The following AAK1 variants were observed in gnomAD, a reference collection of about 807,000 sequenced individuals.
The protein encoded by AAK1 is AP2 associated kinase 1, also known as AP2-associated protein kinase 1.
Under a neutral mutation model 116.0 loss-of-function variants are expected in AAK1, and 37 were observed. The observed-to-expected ratio is 0.32, with a 90% confidence interval of 0.25 to 0.42. The LOEUF is 0.42. AAK1 is among the 10% of genes least tolerant of loss of function. The pLI, the probability that AAK1 is intolerant of heterozygous loss-of-function variation, is 1.00. For synonymous variants in AAK1, 458 were observed against 439.9 expected, an observed-to-expected ratio of 1.04 and a Z score of -0.51; for missense variants, 919 against 1,170.6, an observed-to-expected ratio of 0.79 and a Z score of 3.14.
intron 6 of AAK1, chr2:69,531,706 T>C (rs1018390003): frequency 4.8e-6 from 5 of 1,040,630 alleles, no homozygotes; most frequent in Admixed American, 1.0e-4. Flanking sequence ...GTTGTGATCA[T>C]ACTTAAAAAC....
At position 69,467,927 on chromosome 2, in the gene AAK1, T is replaced by G; in HGVS notation, c.*7942A>C. The G allele has an allele frequency of 1.0e-6, 1 of 985,414 alleles. No homozygotes were observed. Among genetic ancestry groups the G allele is most frequent in the Non-Finnish European group, 1.2e-6 (1 of 829,896 alleles). The allele number at this position is 985,414 out of a possible 1,614,324, so 61.0% of individuals were successfully genotyped here. ...TCTGAATCCTATAACTTTTTAGCAGTGCTTCTTTTTAAACAGTTCTGACCT... is the reference window on the plus strand; with the variant it reads ...TCTGAATCCTATAACTTTTTAGCAGGGCTTCTTTTTAAACAGTTCTGACCT... On this transcript the variant is annotated 3_prime_UTR_variant, in exon 22 of 22. Transcript: ENST00000409085.
At chr2:69,495,924 CT>C in intron 17 of AAK1, 60 bp downstream of exon 17, 1 of 1,388,504 alleles carries the variant, frequency 7.2e-7, no homozygotes, top group East Asian at 2.5e-5. Flanking sequence ...GCAGAACTTT[CT>C]ACAAGGCCTG....
Position 69,509,224 on chromosome 2 carries a change from C to A in AAK1, c.2006+7G>T. 6.2e-7 allele frequency: 1 copy of A among 1,613,426 alleles called. No homozygotes were observed. The highest frequency in any genetic ancestry group is 1.6e-4 in the Middle Eastern group (1 of 6,062). ...GGTAAGAACAACAAAGAGGAAGCAC[C>A]ACATACTTGGACTTATTGAGACTGG... is the stretch of plus-strand genomic sequence containing the variant. On this transcript the variant is annotated splice_region_variant and intron_variant, in intron 14 of 21. Coordinates refer to ENST00000409085, the MANE Select transcript of AAK1 (RefSeq NM_014911.5).
chr2:69,468,422 A>G lies in AAK1; in HGVS notation c.*7447T>C. The G allele has an allele frequency of 5.1e-6, 5 of 985,442 alleles. No individual in the cohort carries two copies. The highest frequency in any genetic ancestry group is 6.0e-6 in the Non-Finnish European group (5 of 829,926). 61.0% of individuals were successfully genotyped at this position (985,442 alleles called of 1,614,324 possible). A position where few individuals can be genotyped will look rare whatever the true frequency, so the allele number is the denominator to read the frequency against. On this transcript the variant is annotated 3_prime_UTR_variant, in exon 22 of 22. Transcript: ENST00000409085. ...AAACTCCTTGAACCACCTTCCTCACATAGTATCAGTTGGACAAAGTTTTCA... is the reference window on the plus strand; with the variant it reads ...AAACTCCTTGAACCACCTTCCTCACGTAGTATCAGTTGGACAAAGTTTTCA...
chr2:69,465,306 G>A lies in AAK1; in HGVS notation c.*10563C>T, dbSNP rs1008453658. On this transcript the variant is annotated 3_prime_UTR_variant, in exon 22 of 22. Coordinates refer to ENST00000409085, the MANE Select transcript of AAK1 (RefSeq NM_014911.5). ...TTGACTCAAGAAATTCTGCTCTGAC[G>A]CAGGGAATTGAAATATAAGAACTGA... 18 of 947,588 alleles carry A rather than the reference G, an allele frequency of 1.9e-5. No homozygotes were observed. Among genetic ancestry groups the A allele is most frequent in the South Asian group, 3.5e-5 (2 of 57,286 alleles). 58.7% of individuals were successfully genotyped at this position (947,588 alleles called of 1,614,324 possible). A position where few individuals can be genotyped will look rare whatever the true frequency, so the allele number is the denominator to read the frequency against.
At chr2:69,557,034 A>AT (rs1368504786) in intron 2 of AAK1, 56 bp from the exon 3 acceptor site, 1 of 1,380,194 alleles carries the variant, frequency 7.2e-7, no homozygotes, top group Non-Finnish European at 1.0e-6. Flanking sequence ...AGTCAGCCAC[A>AT]TAACTGTGGT....
chr2:69,522,742 T>G (rs1387990389), intron 10 of AAK1, among the ~76,000 whole-genome samples: 1 of 150,754 alleles, frequency 6.6e-6, no homozygotes, highest in African/African-American at 2.5e-5. Flanking sequence ...AGGCAGAGGT[T>G]GCAGTGAGCC....
intron 2 of AAK1, among the ~76,000 whole-genome samples, chr2:69,610,509 A>G (rs1674029791): frequency 6.6e-6 from 1 of 152,280 alleles, no homozygotes; most frequent in South Asian, 2.1e-4. Flanking sequence ...ATGGAACCAT[A>G]GCAAAAATTA....
At chr2:69,515,718 A>G (rs898712475) in intron 12 of AAK1, among the ~76,000 whole-genome samples, 27 of 152,196 alleles carry the variant, frequency 1.8e-4, no homozygotes, top group African/African-American at 6.5e-4. Context: ...CTGCTGATGA[A>G]CTAAGGTCAA....
rs758838651 is a variant in AAK1 at position 69,509,351 on chromosome 2, C to T, written c.1886G>A (p.Arg629His). 31 of 1,613,826 alleles carry T rather than the reference C, an allele frequency of 1.9e-5. No individual in the cohort carries two copies. Among genetic ancestry groups the T allele is most frequent in the Admixed American group, 3.3e-5 (2 of 60,002 alleles). Residue 629 changes from arginine (R) to histidine (H), a missense_variant, in exon 14 of 22, where the codon CGT becomes CAT. By Grantham distance (29) the Arg-to-His change is conservative. Coordinates refer to ENST00000409085, the MANE Select transcript of AAK1 (RefSeq NM_014911.5). ...LTPPSSPKTQ[R>H]AGHRRILSDV... Reference sequence around the variant, plus strand: ...ACTGAGAATACGCCTGTGCCCAGCACGTTGGGTTTTGGGGGATGAGGGTGG... The same window carrying T: ...ACTGAGAATACGCCTGTGCCCAGCATGTTGGGTTTTGGGGGATGAGGGTGG...
intron 2 of AAK1, among the ~76,000 whole-genome samples, chr2:69,579,508 G>A (rs1006666318): frequency 2.7e-4 from 41 of 152,332 alleles, no homozygotes; most frequent in African/African-American, 9.4e-4. Context: ...GGGCCCGGGA[G>A]GTGGAGGTTG....
At chr2:69,559,121 C>G (rs1671518858) in intron 2 of AAK1, among the ~76,000 whole-genome samples, 1 of 152,032 alleles carries the variant, frequency 6.6e-6, no homozygotes, top group African/African-American at 2.4e-5. Context: ...TACAATGTTC[C>G]TCAGTATTCA....
chr2:69,509,366 G>A lies in AAK1; in HGVS notation c.1871C>T (p.Ser624Phe). Residue 624 changes from serine to phenylalanine, a missense_variant, in exon 14 of 22, where the codon TCC (serine) becomes TTC (phenylalanine). Around this residue, in one of 4 missense-constraint regions of AAK1, gnomAD observed 125 missense variants for 184.1 expected, o/e 0.68. Coordinates refer to ENST00000409085, the MANE Select transcript of AAK1 (RefSeq NM_014911.5). ...GTGCCCAGCACGTTGGGTTTTGGGGGATGAGGGTGGAGTGAGAGATCCAAC... is the reference window on the plus strand; with the variant it reads ...GTGCCCAGCACGTTGGGTTTTGGGGAATGAGGGTGGAGTGAGAGATCCAAC... ...QKVGSLTPPS[S>F]PKTQRAGHRR... 2 of 1,614,036 alleles carry A rather than the reference G, an allele frequency of 1.2e-6. No individual in the cohort carries two copies. The highest frequency in any genetic ancestry group is 2.2e-5 in the East Asian group (1 of 44,880).
At chr2:69,524,834 A>G (rs1463746219) in intron 10 of AAK1, among the ~76,000 whole-genome samples, 199 bp downstream of exon 10, 1 of 152,186 alleles carries the variant, frequency 6.6e-6, no homozygotes, top group African/African-American at 2.4e-5. Flanking sequence ...TTCTCTTTCA[A>G]ATGTAGATCA....
chr2:69,581,619 A>T (rs1340858123), intron 2 of AAK1, among the ~76,000 whole-genome samples: 2 of 152,222 alleles, frequency 1.3e-5, no homozygotes, highest in African/African-American at 4.8e-5. Context: ...GGAGTAATTT[A>T]AAAATGTACA....
intron 2 of AAK1, among the ~76,000 whole-genome samples, chr2:69,593,592 A>G (rs967353059): frequency 2.0e-5 from 3 of 152,152 alleles, no homozygotes; most frequent in Non-Finnish European, 2.9e-5. Context: ...CTAATGTGCT[A>G]AAAGTAATTA....
chr2:69,460,016 G>A lies in AAK1; in HGVS notation c.*15853C>T, dbSNP rs996881973. 6.6e-6 allele frequency: 1 copy of A among 152,126 alleles called. No individual in the cohort carries two copies. The highest frequency in any genetic ancestry group is 2.4e-5 in the African/African-American group (1 of 41,412). The allele number at this position is 152,126 out of a possible 1,614,324, so 9.4% of individuals were successfully genotyped here. Reference sequence around the variant, plus strand: ...GGAGTTGGAACATTAGAACTCAGGGGTGGTTTGGATATTAACAAGGTACTC... The same window carrying A: ...GGAGTTGGAACATTAGAACTCAGGGATGGTTTGGATATTAACAAGGTACTC... On this transcript the variant is annotated 3_prime_UTR_variant, in exon 22 of 22. Transcript: ENST00000409085.
At chr2:69,529,439 G>C (rs1287104333) in intron 8 of AAK1, among the ~76,000 whole-genome samples, 1 of 151,858 alleles carries the variant, frequency 6.6e-6, no homozygotes, top group East Asian at 1.9e-4. Flanking sequence ...CTACCATCTG[G>C]TTAATGAATG....
intron 2 of AAK1, chr2:69,599,001 A>G (rs1042689308): frequency 2.4e-5 from 8 of 339,368 alleles, no homozygotes; most frequent in Admixed American, 3.5e-5. Context: ...CACTTTGTGG[A>G]AAGTGTTAAA....
Sources: gnomAD v4.1 joint callset for allele counts (sites outside exome capture counted in the v4.1 genomes callset) on GRCh38, gnomAD v4.1.1 for gene constraint, gnomAD v4.1.1 regional missense constraint, MANE v1.5 for transcripts, NCBI Gene and HGNC (gene_info 2026-07-23, HGNC 2026-07-21) for gene names.